The following PTPRS variants were observed in gnomAD, a reference collection of about 807,000 sequenced individuals.
The protein encoded by PTPRS is receptor-type tyrosine-protein phosphatase S.
A neutral mutation model predicts 215.3 loss-of-function variants in PTPRS; 63 were observed. The observed-to-expected ratio is 0.29, with a 90% CI of 0.24 to 0.36. The LOEUF (loss-of-function observed/expected upper bound fraction) is 0.36, where lower values mean the gene tolerates loss of function less well. PTPRS is among the 10% of genes least tolerant of loss of function. PTPRS has a pLI of 1.00. For synonymous variants in PTPRS, 1,404 were observed against 1,191.4 expected (o/e 1.18, Z -3.68); for missense variants, 2,258 against 2,825.8 (o/e 0.80, Z 4.56).
chr19:5,215,815 T>G (rs10414946), intron 26 of PTPRS, among the ~76,000 whole-genome samples: 123,748 of 151,934 alleles, frequency 0.81, 50,752 homozygotes, highest in African/African-American at 0.9. Context: ...TTTGAGGCCC[T>G]CTGCTCCGTG....
At position 5,244,049 on chromosome 19, in the gene PTPRS, G is replaced by C. The variant is rs1256358502; in HGVS notation, c.1422C>G (p.Asn474Lys). Residue 474 changes from asparagine (N) to lysine (K), a missense_variant, in exon 11 of 38, where the codon AAC (asparagine) becomes AAG (lysine). By Grantham distance (94) the Asn-to-Lys change is moderately conservative (BLOSUM62 0). Transcript: ENST00000262963. This position sits in a 1 kb window ranked among gnomAD's most constrained non-coding sequence, Gnocchi z 7.2. ...TGTCGTCCACGTTGTGCTTCTGCCA[G>C]TTGCCCACGGGGTGCTCCGGTTCCA... ...YTMEPEHPVG[N>K]WQKHNVDDSL... 1.9e-6 allele frequency: 3 copies of C among 1,610,228 alleles called. No homozygotes were observed. The highest frequency in any genetic ancestry group is 2.5e-6 in the Non-Finnish European group (3 of 1,179,930).
Position 5,231,596 on chromosome 19 carries a change from T to C in PTPRS, c.1869A>G (p.Gln623=), listed in dbSNP as rs768979009. ...AGCGCACGCTGACACATTTAACGTC[T>C]TGAGGGGGGGCTGACGGTTCTATTG... ...TLQSKPSAPP[Q]DVKCVSVRST... The change falls in exon 14 of 38, where the codon CAA becomes CAG. Residue 623 remains glutamine (Q), a synonymous_variant. Transcript: ENST00000262963. 9.3e-6 allele frequency: 14 copies of C among 1,505,088 alleles called. No homozygotes were observed. The African/African-American group carries it at 2.1e-4, about 23-fold the overall frequency. The allele number at this position is 1,505,088 out of a possible 1,614,324, so 93.2% of individuals were successfully genotyped here.
intron 6 of PTPRS, among the ~76,000 whole-genome samples, chr19:5,262,478 T>C (rs1235240412): frequency 6.6e-6 from 1 of 152,200 alleles, no homozygotes; most frequent in Non-Finnish European, 1.5e-5. Flanking sequence ...GGCTGAATGC[T>C]GAGAAAAGTG....
chr19:5,232,383 G>A (rs1374222819), intron 13 of PTPRS, among the ~76,000 whole-genome samples: 26 of 121,012 alleles, frequency 2.1e-4, no homozygotes, highest in Admixed American at 1.7e-4. Flanking sequence ...CAGAAGCTCT[G>A]TTTATTAGGC....
chr19:5,237,893 G>A lies in PTPRS; in HGVS notation c.1849+1026C>T, dbSNP rs1035640408. Among the ~76,000 whole-genome samples the A allele has an allele frequency of 2.1e-5, 3 of 145,776 alleles. No individual in the cohort carries two copies. Among genetic ancestry groups the A allele is most frequent in the Non-Finnish European group, 3.0e-5 (2 of 65,946 alleles). On this transcript the variant is annotated intron_variant, in intron 13 of 37. Transcript: ENST00000262963. This position sits in a 1 kb window ranked among gnomAD's most constrained non-coding sequence, Gnocchi z 4.2. Reference sequence around the variant, plus strand: ...TGTCTCCGAGGCGCCCCACCCCCCCGATCCCAGCGGCTCAGATGCCCCGGC... The same window carrying A: ...TGTCTCCGAGGCGCCCCACCCCCCCAATCCCAGCGGCTCAGATGCCCCGGC...
Position 5,218,773 on chromosome 19 carries a change from G to A in PTPRS, c.3935+14C>T, listed in dbSNP as rs1454675959. On this transcript the variant is annotated intron_variant, in intron 24 of 37. Coordinates refer to ENST00000262963, the MANE Select transcript of PTPRS (RefSeq NM_002850.4). ...TCTTGCCTGAAGCCTCCACGGGGGA[G>A]GGCTGGTTCTTACCTGTCGGGTTTG... The A allele has an allele frequency of 1.9e-6, 3 of 1,612,138 alleles. No individual in the cohort carries two copies. Among genetic ancestry groups the A allele is most frequent in the South Asian group, 1.1e-5 (1 of 90,742 alleles).
chr19:5,313,443 A>G (rs1465170842), intron 1 of PTPRS, among the ~76,000 whole-genome samples: 2 of 152,158 alleles, frequency 1.3e-5, no homozygotes, highest in Non-Finnish European at 2.9e-5. Context: ...CGCATAGGAA[A>G]CCGGGTGCTG....
chr19:5,222,924 G>T lies in PTPRS; in HGVS notation c.2868C>A (p.Ala956=). Residue 956 remains alanine, a synonymous_variant, in exon 18 of 38, where the codon GCC becomes GCA. Transcript: ENST00000262963. ...VLLRWLPPVP[A]ERNGAIVKYT... The stretch of plus-strand genomic sequence containing the variant: ...ATTTGACGATGGCCCCGTTGCGCTC[G>T]GCGGGCACGGGTGGCAGCCAGCGGA... 6.4e-7 allele frequency: 1 copy of T among 1,560,556 alleles called. No homozygotes were observed. Among genetic ancestry groups the T allele is most frequent in the Non-Finnish European group, 8.6e-7 (1 of 1,160,654 alleles).
intron 6 of PTPRS, among the ~76,000 whole-genome samples, 156 bp downstream of exon 6, chr19:5,262,808 G>A (rs954133907): frequency 2.6e-5 from 4 of 152,060 alleles, no homozygotes; most frequent in South Asian, 2.1e-4. Context: ...GGGGCCGGTC[G>A]CGGGGAGGAG....
chr19:5,222,114 C>T lies in PTPRS; in HGVS notation c.3201+9G>A. On this transcript the variant is annotated intron_variant, in intron 19 of 37. Transcript: ENST00000262963. ...CCTGCCTGCCTGCCTGCTGGCTGGG[C>T]AGTCGCACCTTGTAGGGTGTGGGTG... 1 of 1,610,084 alleles carries T rather than the reference C, an allele frequency of 6.2e-7. No individual in the cohort carries two copies. The highest frequency in any genetic ancestry group is 8.5e-7 in the Non-Finnish European group (1 of 1,176,636).
Position 5,257,873 on chromosome 19 carries a change from G to C in PTPRS, c.706+144C>G, listed in dbSNP as rs1026242960. 11 of 656,508 alleles carry C rather than the reference G, an allele frequency of 1.7e-5. No individual in the cohort carries two copies. In the South Asian group the frequency reaches 1.9e-4, roughly 11 times the overall value. The allele number at this position is 656,508 out of a possible 1,614,324, so 40.7% of individuals were successfully genotyped here. On this transcript the variant is annotated intron_variant, in intron 8 of 37. Coordinates refer to ENST00000262963, the MANE Select transcript of PTPRS (RefSeq NM_002850.4). The surrounding 1 kb of genome is among the most constrained non-coding windows in gnomAD (Gnocchi z 4.4). ...AAGGCCCAGAGAGGGACGCCGCCTC[G>C]GCCAAGGTCCCACCGCGACCGGGGA...
chr19:5,222,352 G>A lies in PTPRS; in HGVS notation c.3104-132C>T, dbSNP rs532462666. 130 of 776,380 alleles carry A rather than the reference G, an allele frequency of 1.7e-4. 1 individual carries two copies. Among genetic ancestry groups the A allele is most frequent in the Admixed American group, 6.4e-4 (30 of 46,998 alleles). 48.1% of individuals were successfully genotyped at this position (776,380 alleles called of 1,614,324 possible). ...TGTCGTCCGCTGTGCCCATGCCCAC[G>A]GCCTTCCTGCCTGGCCCTGGCCCGG... On this transcript the variant is annotated intron_variant, in intron 18 of 37. Coordinates refer to ENST00000262963, the MANE Select transcript of PTPRS (RefSeq NM_002850.4).
chr19:5,325,073 TC>T (rs578213772), intron 1 of PTPRS, among the ~76,000 whole-genome samples: 25 of 152,302 alleles, frequency 1.6e-4, no homozygotes, highest in African/African-American at 6.0e-4. Context: ...TATTTTCCCC[TC>T]CCCGACAATC....
intron 13 of PTPRS, among the ~76,000 whole-genome samples, chr19:5,231,825 G>T (rs1233999932): frequency 6.6e-6 from 1 of 152,154 alleles, no homozygotes; most frequent in African/African-American, 2.4e-5. Context: ...AGGTGGGATG[G>T]GGCTGGGAGG....
intron 4 of PTPRS, 69 bp from the exon 5 acceptor site, chr19:5,265,265 C>T: frequency 6.9e-7 from 1 of 1,459,132 alleles, no homozygotes; most frequent in Non-Finnish European, 9.3e-7. Context: ...GAGCCTGGGG[C>T]TCAGGGACTG....
chr19:5,214,241 T>C, intron 30 of PTPRS, 120 bp downstream of exon 30: 1 of 1,398,628 alleles, frequency 7.1e-7, no homozygotes, highest in Non-Finnish European at 9.8e-7. Flanking sequence ...TCAGCCTGGG[T>C]AGACACGCTC....
chr19:5,229,421 G>T, intron 15 of PTPRS, 70 bp downstream of exon 15: 1 of 1,362,998 alleles, frequency 7.3e-7, no homozygotes, highest in Non-Finnish European at 9.5e-7. Context: ...GAGAAGCAGA[G>T]GTGGGGGGAG....
intron 1 of PTPRS, among the ~76,000 whole-genome samples, chr19:5,305,760 TA>T (rs1203541226): frequency 5.2e-4 from 58 of 112,168 alleles, no homozygotes; most frequent in African/African-American, 2.0e-3. Flanking sequence ...TATATATATA[TA>T]TATATTTTTT....
chr19:5,221,935 T>G (rs2042011428), intron 19 of PTPRS, among the ~76,000 whole-genome samples, 188 bp downstream of exon 19: 1 of 152,078 alleles, frequency 6.6e-6, no homozygotes, highest in African/African-American at 2.4e-5. Context: ...TTCCAGCTGA[T>G]CTCCAATCCT....
Sources: allele counts gnomAD v4.1 joint callset (sites outside exome capture counted in the v4.1 genomes callset), GRCh38; gene constraint gnomAD v4.1.1; non-coding constraint Gnocchi (gnomAD v3.1); transcripts MANE v1.5; gene names NCBI Gene and HGNC (gene_info 2026-07-23, HGNC 2026-07-21).